ATIC: variants seen among roughly 807,000 people sequenced by gnomAD.
The protein encoded by ATIC is bifunctional purine biosynthesis protein ATIC.
Under a neutral mutation model 72.5 loss-of-function variants are expected in ATIC, and 64 were observed. The observed-to-expected ratio is 0.88, with a 90% CI of 0.72 to 1.09. ATIC has a LOEUF of 1.09. Among genes scored for constraint, ATIC ranks in the 50% least tolerant of loss-of-function variants. The pLI, the probability that ATIC is intolerant of heterozygous loss-of-function variation, is 0.00. For missense variants in ATIC, 787 were observed against 732.4 expected (o/e 1.07, Z -0.86); for synonymous variants, 281 against 267.1 (o/e 1.05, Z -0.51).
intron 4 of ATIC, among the ~76,000 whole-genome samples, chr2:215,323,432 T>G (rs2052791139): frequency 6.6e-6 from 1 of 152,240 alleles, no homozygotes; most frequent in Admixed American, 6.5e-5. Context: ...TCTTCCAGTC[T>G]GTGAACATGG....
chr2:215,328,377 C>G (rs2372537), intron 7 of ATIC, among the ~76,000 whole-genome samples: 70,381 of 151,924 alleles, frequency 0.46, 18,199 homozygotes, highest in East Asian at 0.78. Flanking sequence ...AGCACTTTGC[C>G]CTGCCCCACA....
Position 215,346,750 on chromosome 2 carries a change from G to T in ATIC, c.1321-9G>T. On this transcript the variant is annotated splice_polypyrimidine_tract_variant and intron_variant, in intron 13 of 15. Transcript: ENST00000236959. ...AAGAGGTGTTCACTTTAATGTCTGT[G>T]TTCCTCAGGTTATCGGCATTGGAGC... The T allele has an allele frequency of 1.2e-6, 2 of 1,613,978 alleles. No homozygotes were observed. Among genetic ancestry groups the T allele is most frequent in the Non-Finnish European group, 1.7e-6 (2 of 1,179,928 alleles).
downstream of ATIC, among the ~76,000 whole-genome samples, chr2:215,350,274 C>A (rs1345523554): frequency 6.6e-6 from 1 of 152,122 alleles, no homozygotes; most frequent in Non-Finnish European, 1.5e-5. Flanking sequence ...GTAGCTGGGA[C>A]TACAGGCATG....
At chr2:215,347,603 C>G (rs1454415551) in intron 14 of ATIC, 2 of 490,964 alleles carry the variant, frequency 4.1e-6, no homozygotes, top group Non-Finnish European at 8.1e-6. Context: ...AATTGACTAC[C>G]CTCAGTTTTT....
intron 2 of ATIC, among the ~76,000 whole-genome samples, chr2:215,312,971 C>G (rs1410653626): frequency 6.6e-6 from 1 of 152,138 alleles, no homozygotes; most frequent in Non-Finnish European, 1.5e-5. Context: ...GTGGCACACG[C>G]CTGTAATCCC....
chr2:215,367,007 A>T, the ATIC span, among the ~76,000 whole-genome samples: 1 of 152,216 alleles, frequency 6.6e-6, no homozygotes, highest in Non-Finnish European at 1.5e-5. Flanking sequence ...AATGATTTCA[A>T]GTATACAAGT....
chr2:215,353,644 C>T (rs1365338634), downstream of ATIC, among the ~76,000 whole-genome samples: 1 of 152,122 alleles, frequency 6.6e-6, no homozygotes, highest in Non-Finnish European at 1.5e-5. Context: ...TCACTGCAAC[C>T]TCCACCTCCC....
intron 7 of ATIC, among the ~76,000 whole-genome samples, chr2:215,330,996 A>G (rs2106015490): frequency 6.6e-6 from 1 of 152,218 alleles, no homozygotes; most frequent in East Asian, 1.9e-4. Context: ...GCTGAATAAT[A>G]TTTCACTGTG....
chr2:215,340,518 G>A (rs1386790110), intron 12 of ATIC, among the ~76,000 whole-genome samples: 3 of 152,162 alleles, frequency 2.0e-5, no homozygotes, highest in African/African-American at 7.2e-5. Context: ...TGAGTGCTAG[G>A]CATTGGGTAT....
chr2:215,361,528 C>CT, the ATIC span: 6 of 1,507,020 alleles, frequency 4.0e-6, no homozygotes, highest in Admixed American at 1.0e-4. Flanking sequence ...GAGAGACATG[C>CT]TTGTTCCTCT....
intron 12 of ATIC, among the ~76,000 whole-genome samples, chr2:215,344,110 A>G (rs2053047650): frequency 6.6e-6 from 1 of 152,226 alleles, no homozygotes; most frequent in Non-Finnish European, 1.5e-5. Context: ...CGTAAATTTT[A>G]CCATGTCTCC....
At chr2:215,335,534 T>G (rs1475358446) in intron 10 of ATIC, among the ~76,000 whole-genome samples, 2 of 152,166 alleles carry the variant, frequency 1.3e-5, no homozygotes, top group Non-Finnish European at 2.9e-5. Flanking sequence ...CTTGGCACTA[T>G]TTTGTTGCTT....
rs1242427505 is a variant in ATIC at position 215,327,034 on chromosome 2, T to C, written c.688+56T>C. ...GCTGTGCCTGGAGAGTGTGTGTTTCTCTGTATTGCATCTGATGTGGTTCAC... is the reference window on the plus strand; with the variant it reads ...GCTGTGCCTGGAGAGTGTGTGTTTCCCTGTATTGCATCTGATGTGGTTCAC... On this transcript the variant is annotated intron_variant, in intron 7 of 15. Transcript: ENST00000236959. 6.8e-6 allele frequency: 11 copies of C among 1,609,018 alleles called. No individual in the cohort carries two copies. The South Asian group carries it at 1.2e-4, about 18-fold the overall frequency.
chr2:215,322,136 C>T (rs772975431), intron 4 of ATIC, among the ~76,000 whole-genome samples: 6 of 151,970 alleles, frequency 3.9e-5, no homozygotes, highest in East Asian at 1.9e-4. Context: ...TTCCTGACCT[C>T]GGGTTATCTG....
intron 3 of ATIC, 60 bp from the exon 4 acceptor site, chr2:215,319,605 C>A (rs2105996543): frequency 8.1e-7 from 1 of 1,230,956 alleles, no homozygotes; most frequent in Non-Finnish European, 1.2e-6. Flanking sequence ...TGTTGAAAGA[C>A]ATTCCTTAAT....
At chr2:215,342,155 C>T (rs1274827024) in intron 12 of ATIC, among the ~76,000 whole-genome samples, 1 of 152,128 alleles carries the variant, frequency 6.6e-6, no homozygotes, top group Non-Finnish European at 1.5e-5. Context: ...GGTGGGGACA[C>T]AGCCAAACCG....
At chr2:215,345,038 A>T in intron 13 of ATIC, 167 bp downstream of exon 13, 1 of 721,176 alleles carries the variant, frequency 1.4e-6, no homozygotes, top group Non-Finnish European at 2.4e-6. Context: ...TGTTAAAACT[A>T]ATGATGATCA....
At chr2:215,318,120 C>T (rs1427935943) in intron 2 of ATIC, 37 bp from the exon 3 acceptor site, 2 of 1,560,828 alleles carry the variant, frequency 1.3e-6, no homozygotes, top group African/African-American at 1.4e-5. Context: ...ACAATTCAGC[C>T]ACACCAGTAG....
rs1383719676 is a variant in ATIC at position 215,332,487 on chromosome 2, T to A, written c.794T>A (p.Phe265Tyr). 2.5e-6 allele frequency: 4 copies of A among 1,614,142 alleles called. No individual in the cohort carries two copies. In the South Asian group the frequency reaches 4.4e-5, roughly 18 times the overall value. The change falls in exon 8 of 16, where the codon TTC becomes TAC. Residue 265 changes from phenylalanine (F) to tyrosine (Y), a missense_variant. Coordinates refer to ENST00000236959, the MANE Select transcript of ATIC (RefSeq NM_004044.7). ...TTAGGTATTCCAGCCGCTGCCTCTTTCAAACATGTCAGCCCAGCAGGTAAA... is the reference window on the plus strand; with the variant it reads ...TTAGGTATTCCAGCCGCTGCCTCTTACAAACATGTCAGCCCAGCAGGTAAA... ...EALGIPAAAS[F>Y]KHVSPAGAAV... is the part of the protein sequence containing the mutation.
Sources: gnomAD v4.1 joint callset for allele counts (sites outside exome capture counted in the v4.1 genomes callset) on GRCh38, gnomAD v4.1.1 for gene constraint, MANE v1.5 for transcripts, NCBI Gene and HGNC (gene_info 2026-07-23, HGNC 2026-07-21) for gene names.